B4GALT1: variants seen among roughly 807,000 people sequenced by gnomAD.
The protein encoded by B4GALT1 is N-acetyllactosamine synthase.
A neutral mutation model predicts 34.9 loss-of-function variants in B4GALT1; 16 were observed. That is an observed-to-expected ratio of 0.46 (90% confidence interval 0.31 to 0.70). B4GALT1 has a LOEUF of 0.70. Ranked by LOEUF, B4GALT1 falls within the 30% of genes least tolerant of loss-of-function variation. B4GALT1 has a pLI of 0.05. For synonymous variants in B4GALT1, 221 were observed against 218.1 expected (o/e 1.01, Z -0.12); for missense variants, 445 against 530.5 (o/e 0.84, Z 1.58).
chr9:33,111,276 A>AAACAAC lies in B4GALT1; in HGVS notation c.*2172_*2177dup, dbSNP rs754771244. 1 of 105,932 alleles carries AAACAAC rather than the reference A, an allele frequency of 9.4e-6. No individual in the cohort carries two copies. Among genetic ancestry groups the AAACAAC allele is most frequent in the Non-Finnish European group, 2.0e-5 (1 of 49,228 alleles). The allele number at this position is 105,932 out of a possible 1,614,324, so 6.6% of individuals were successfully genotyped here. On this transcript the variant is annotated 3_prime_UTR_variant, in exon 6 of 6. Coordinates refer to ENST00000379731, the MANE Select transcript of B4GALT1 (RefSeq NM_001497.4). ...AAAAAAAAAAAAAAAAAAAAAAAAA[A>AAACAAC]AACAACAAGAAAAGGTAGAGTTTGG...
At chr9:33,113,710 G>A (rs540917484) in intron 5 of B4GALT1, 64 bp downstream of exon 5, 3 of 1,607,694 alleles carry the variant, frequency 1.9e-6, no homozygotes, top group Non-Finnish European at 2.6e-6. Flanking sequence ...TAGGCCCAGA[G>A]CCTCGGACCT....
chr9:33,123,952 A>G (rs988623315), intron 2 of B4GALT1, among the ~76,000 whole-genome samples: 3 of 152,142 alleles, frequency 2.0e-5, no homozygotes, highest in Non-Finnish European at 4.4e-5. Flanking sequence ...CCTGAACTAT[A>G]TATCCCTCCC....
At chr9:33,150,233 T>TACAC (rs10701535) in intron 1 of B4GALT1, among the ~76,000 whole-genome samples, 30,603 of 137,888 alleles carry the variant, frequency 0.22, 3,433 homozygotes, top group Middle Eastern at 0.29. Context: ...TACAGGTAGA[T>TACAC]ACACACACAC....
chr9:33,126,667 G>GTTAACATTGTTAACTATTGTTAACTATA (rs1358355119), intron 2 of B4GALT1, among the ~76,000 whole-genome samples: 1 of 32,838 alleles, frequency 3.0e-5, no homozygotes. Flanking sequence ...ATAGCAATAT[G>GTTAACATTGTTAACTATTGTTAACTATA]GTAGCTCAGA....
At chr9:33,107,079 T>A (rs543123124), downstream of B4GALT1, among the ~76,000 whole-genome samples, 2 of 152,222 alleles carry the variant, frequency 1.3e-5, no homozygotes, top group East Asian at 3.9e-4. Flanking sequence ...TGGTTTCCAG[T>A]CTATTGACCC....
chr9:33,163,553 A>G (rs1840705861), intron 1 of B4GALT1, among the ~76,000 whole-genome samples: 1 of 152,106 alleles, frequency 6.6e-6, no homozygotes, highest in Non-Finnish European at 1.5e-5. Flanking sequence ...TCACCAGTTC[A>G]GCTTCAGGTA....
chr9:33,184,246 A>T, the B4GALT1 span, among the ~76,000 whole-genome samples: 2 of 114,416 alleles, frequency 1.7e-5, no homozygotes, highest in African/African-American at 6.9e-5. Context: ...AAATAAAGTC[A>T]CTCTTGTACA....
upstream of B4GALT1, among the ~76,000 whole-genome samples, chr9:33,171,900 C>T (rs1026351212): frequency 1.3e-5 from 2 of 152,152 alleles, no homozygotes; most frequent in African/African-American, 4.8e-5. Flanking sequence ...TGTCAGGCAC[C>T]TTTATTCCAC....
rs1430205136 is a variant in B4GALT1, at chr9:33,167,006, C to A, written c.164G>T (p.Gly55Val). 1.3e-6 allele frequency: 2 copies of A among 1,596,478 alleles called. No individual in the cohort carries two copies. The highest frequency in any genetic ancestry group is 2.2e-5 in the South Asian group (2 of 90,114). The change falls in exon 1 of 6, where the codon GGA becomes GTA. Residue 55 changes from glycine to valine, a missense_variant. Around this residue, in one of 3 missense-constraint regions of B4GALT1, gnomAD observed 349 missense variants for 395.5 expected, o/e 0.88. Coordinates refer to ENST00000379731, the MANE Select transcript of B4GALT1 (RefSeq NM_001497.4). Reference sequence around the variant, plus strand: ...GCCGCCCTGCAGCGGTGTGGAGACTCCGACCAGTTGGGGCAGGCGGCTCAG... The same window carrying A: ...GCCGCCCTGCAGCGGTGTGGAGACTACGACCAGTTGGGGCAGGCGGCTCAG... ...RDLSRLPQLV[G>V]VSTPLQGGSN...
chr9:33,127,890 A>G (rs1439233968), intron 2 of B4GALT1, among the ~76,000 whole-genome samples: 1 of 152,226 alleles, frequency 6.6e-6, no homozygotes, highest in Non-Finnish European at 1.5e-5. Flanking sequence ...CAACCTCAGC[A>G]TTTCCGAGAG....
At position 33,120,597 on chromosome 9, in the gene B4GALT1, T is replaced by C. The variant is rs777858640; in HGVS notation, c.658A>G (p.Thr220Ala). The change falls in exon 3 of 6, where the codon ACT becomes GCT. Residue 220 changes from threonine (T) to alanine (A), a missense_variant. Transcript: ENST00000379731. ...AGGAGCTTAGCACGATTGAATATAGTGTCTCCCGCCTGGTGCAGAAACAAA... is the reference window on the plus strand; with the variant it reads ...AGGAGCTTAGCACGATTGAATATAGCGTCTCCCGCCTGGTGCAGAAACAAA... The part of the protein sequence containing the change: ...GIYVINQAGD[T>A]IFNRAKLLNV... 11 of 1,614,096 alleles carry C rather than the reference T, an allele frequency of 6.8e-6. No individual in the cohort carries two copies. In the South Asian group the frequency reaches 1.1e-4, roughly 16 times the overall value.
intron 2 of B4GALT1, among the ~76,000 whole-genome samples, chr9:33,134,376 T>C (rs1458298156): frequency 3.9e-5 from 6 of 152,230 alleles, no homozygotes; most frequent in Non-Finnish European, 5.9e-5. Flanking sequence ...TTAGATAAGT[T>C]AGATGTGTCA....
chr9:33,135,911 ATG>A (rs34931533), intron 1 of B4GALT1, among the ~76,000 whole-genome samples: 18 of 136,090 alleles, frequency 1.3e-4, no homozygotes, highest in East Asian at 4.6e-4. Context: ...GTGTGTGTGT[ATG>A]TGTGTGTGTG....
At chr9:33,173,037 A>C in the B4GALT1 span, among the ~76,000 whole-genome samples, 1 of 152,164 alleles carries the variant, frequency 6.6e-6, no homozygotes, top group African/African-American at 2.4e-5. Context: ...CCTGTGAAGT[A>C]GGGCAACCGA....
the B4GALT1 span, among the ~76,000 whole-genome samples, chr9:33,182,249 T>C: frequency 6.6e-6 from 1 of 152,244 alleles, no homozygotes; most frequent in Non-Finnish European, 1.5e-5. Flanking sequence ...TCTCTGCCTA[T>C]GATTTTCTCC....
chr9:33,144,407 T>G (rs1463575229), intron 1 of B4GALT1, among the ~76,000 whole-genome samples: 1 of 151,934 alleles, frequency 6.6e-6, no homozygotes, highest in Non-Finnish European at 1.5e-5. Flanking sequence ...GCTAATTTTT[T>G]GTATTTTTAG....
At chr9:33,123,049 C>T (rs762334302) in intron 2 of B4GALT1, among the ~76,000 whole-genome samples, 4 of 151,814 alleles carry the variant, frequency 2.6e-5, no homozygotes, top group African/African-American at 4.8e-5. Flanking sequence ...AAGGCCAAGG[C>T]GGTGGATCAC....
rs1355720816 is a variant in B4GALT1 at position 33,113,466 on chromosome 9, C to A, written c.1185G>T (p.Gly395=). Residue 395 remains glycine, a synonymous_variant, in exon 6 of 6, where the codon GGG becomes GGT. Coordinates refer to ENST00000379731, the MANE Select transcript of B4GALT1 (RefSeq NM_001497.4). ...PLYTQITVDI[G]TPS ...GTGTACCAAAACGCTAGCTCGGTGT[C>A]CCGATGTCCACTGTGATTTGGGTAT... 1 of 1,614,180 alleles carries A rather than the reference C, an allele frequency of 6.2e-7. No homozygotes were observed. The highest frequency in any genetic ancestry group is 1.1e-5 in the South Asian group (1 of 91,074).
At chr9:33,147,011 A>AT (rs769191208) in intron 1 of B4GALT1, among the ~76,000 whole-genome samples, 9 of 151,424 alleles carry the variant, frequency 5.9e-5, no homozygotes, top group Non-Finnish European at 1.0e-4. Flanking sequence ...CCCAAATGCA[A>AT]TTTTCAAGGG....
Sources: allele counts gnomAD v4.1 joint callset (sites outside exome capture counted in the v4.1 genomes callset), GRCh38; gene constraint gnomAD v4.1.1; regional missense constraint gnomAD v4.1.1; transcripts MANE v1.5; gene names NCBI Gene and HGNC (gene_info 2026-07-23, HGNC 2026-07-21).